The following DACH1 variants were observed in gnomAD, a reference collection of about 807,000 sequenced individuals.
DACH1 encodes dachshund family transcription factor 1.
DACH1 carries 12 observed loss-of-function variants against 54.2 expected under a neutral mutation model. The ratio of observed to expected loss-of-function variants is 0.22; its 90% CI spans 0.14 to 0.36. DACH1 has a LOEUF of 0.36. DACH1 is among the 10% of genes least tolerant of loss of function. DACH1 has a pLI of 1.00. For missense variants in DACH1, 805 were observed against 929.8 expected, an observed-to-expected ratio of 0.87 and a Z score of 1.75; for synonymous variants, 386 against 366.2, an observed-to-expected ratio of 1.05 and a Z score of -0.62.
intron 1 of DACH1, among the ~76,000 whole-genome samples, chr13:71,782,379 T>C (rs2138069888): frequency 6.6e-6 from 1 of 151,954 alleles, no homozygotes; most frequent in East Asian, 1.9e-4. Flanking sequence ...GAGGCAGAGG[T>C]TGAAGTCAGT....
chr13:71,509,981 G>T (rs1880646656), intron 6 of DACH1, among the ~76,000 whole-genome samples: 1 of 151,890 alleles, frequency 6.6e-6, no homozygotes, highest in Admixed American at 6.6e-5. Flanking sequence ...TTTTATCAAA[G>T]TTAACAGTGA....
intron 1 of DACH1, among the ~76,000 whole-genome samples, chr13:71,697,722 A>G (rs1016563618): frequency 6.6e-5 from 10 of 152,184 alleles, no homozygotes; most frequent in African/African-American, 1.9e-4. Flanking sequence ...CCACCTTTAA[A>G]CTATAATAGC....
rs527297499 is a variant in DACH1, at chr13:71,761,597, CA to C, written c.849-79688del. Among the ~76,000 whole-genome samples, 32 of 152,274 alleles carry C rather than the reference CA, an allele frequency of 2.1e-4. No individual in the cohort carries two copies. The East Asian group carries it at 3.5e-3, about 17-fold the overall frequency. ...AATATCACCTGAAACACAGACTTCT[CA>C]AACATCAATGTGCGTACACATCATC... On this transcript the variant is annotated intron_variant, in intron 1 of 10. Coordinates refer to ENST00000613252, the MANE Select transcript of DACH1 (RefSeq NM_080759.6).
intron 3 of DACH1, among the ~76,000 whole-genome samples, chr13:71,605,748 T>C (rs1053066619): frequency 6.6e-6 from 1 of 151,994 alleles, no homozygotes; most frequent in African/African-American, 2.4e-5. Flanking sequence ...AATATTATAA[T>C]GTCCTTTTTC....
chr13:71,851,802 T>C (rs1298520260), intron 1 of DACH1, among the ~76,000 whole-genome samples: 1 of 152,192 alleles, frequency 6.6e-6, no homozygotes, highest in African/African-American at 2.4e-5. Context: ...GTTGTTACTA[T>C]ATAAAGAATA....
intron 2 of DACH1, among the ~76,000 whole-genome samples, chr13:71,648,703 G>A (rs967954874): frequency 6.6e-6 from 1 of 152,062 alleles, no homozygotes; most frequent in Admixed American, 6.6e-5. Context: ...TAACTATTTT[G>A]CAGCATTAAA....
At chr13:71,585,078 T>C (rs1351260139) in intron 3 of DACH1, among the ~76,000 whole-genome samples, 1 of 152,200 alleles carries the variant, frequency 6.6e-6, no homozygotes, top group African/African-American at 2.4e-5. Flanking sequence ...CATTCATTTT[T>C]TTAGCATATA....
At chr13:71,801,577 T>C (rs1887289549) in intron 1 of DACH1, among the ~76,000 whole-genome samples, 1 of 152,146 alleles carries the variant, frequency 6.6e-6, no homozygotes, top group Non-Finnish European at 1.5e-5. Flanking sequence ...TTCCAAGTGA[T>C]ACACTGATGG....
intron 10 of DACH1, among the ~76,000 whole-genome samples, chr13:71,441,906 T>A (rs190822435): frequency 3.5e-4 from 54 of 152,180 alleles, no homozygotes; most frequent in Non-Finnish European, 5.6e-4. Context: ...TGTTTTTAAT[T>A]CTTGTGGGTA....
intron 1 of DACH1, among the ~76,000 whole-genome samples, chr13:71,700,691 C>T (rs989338786): frequency 1.3e-5 from 2 of 151,758 alleles, no homozygotes; most frequent in African/African-American, 4.8e-5. Flanking sequence ...ACTGTGACTA[C>T]CTGGACAGCC....
chr13:71,640,713 G>A (rs185068099), intron 2 of DACH1, among the ~76,000 whole-genome samples: 2 of 152,078 alleles, frequency 1.3e-5, no homozygotes, highest in African/African-American at 2.4e-5. Flanking sequence ...TTGACTCCAC[G>A]CAGGTAGCTC....
intron 2 of DACH1, among the ~76,000 whole-genome samples, chr13:71,679,272 T>C (rs1370659889): frequency 6.6e-6 from 1 of 152,176 alleles, no homozygotes; most frequent in Non-Finnish European, 1.5e-5. Context: ...AATTTAATAT[T>C]TTGAGTTGGG....
intron 1 of DACH1, among the ~76,000 whole-genome samples, chr13:71,796,149 C>G (rs1887039852): frequency 6.6e-6 from 1 of 152,082 alleles, no homozygotes; most frequent in African/African-American, 2.4e-5. Context: ...CTGCAAGTGA[C>G]TTCACAATGG....
chr13:71,756,946 GA>G (rs1885191396), intron 1 of DACH1, among the ~76,000 whole-genome samples: 1 of 152,168 alleles, frequency 6.6e-6, no homozygotes, highest in Admixed American at 6.5e-5. Context: ...AGGATCAGGA[GA>G]AACGATGGCT....
At chr13:71,796,761 TG>T (rs138728710) in intron 1 of DACH1, among the ~76,000 whole-genome samples, 5,278 of 152,220 alleles carry the variant, frequency 0.035, 302 homozygotes, top group African/African-American at 0.12. Context: ...ATTTGTAAGC[TG>T]GACAGTTCAT....
chr13:71,559,798 CAAG>C lies in DACH1; in HGVS notation c.1435+19_1435+21del. On this transcript the variant is annotated intron_variant, in intron 5 of 10. Transcript: ENST00000613252. ...ACCCTAATAAAGTTTAAAATGGTGA[CAAG>C]TAGAAGTATGAGACCTACGGATTCT... is the stretch of plus-strand genomic sequence containing the variant. 6.2e-7 allele frequency: 1 copy of C among 1,613,270 alleles called. No individual in the cohort carries two copies. Among genetic ancestry groups the C allele is most frequent in the Non-Finnish European group, 8.5e-7 (1 of 1,179,738 alleles).
intron 6 of DACH1, among the ~76,000 whole-genome samples, chr13:71,501,551 G>C (rs1176296959): frequency 1.3e-5 from 2 of 152,100 alleles, no homozygotes; most frequent in African/African-American, 4.8e-5. Flanking sequence ...GAAGAAATTG[G>C]GTGGAAGTAT....
At chr13:71,709,255 A>T (rs543834043) in intron 1 of DACH1, among the ~76,000 whole-genome samples, 3 of 152,150 alleles carry the variant, frequency 2.0e-5, no homozygotes, top group Non-Finnish European at 4.4e-5. Context: ...TTTTCCCTTG[A>T]TTAATAAAAT....
At chr13:71,561,659 G>A (rs1884592359) in intron 4 of DACH1, among the ~76,000 whole-genome samples, 1 of 152,052 alleles carries the variant, frequency 6.6e-6, no homozygotes, top group Admixed American at 6.6e-5. Context: ...CCCAGTTTCT[G>A]GTTCTTTGTT....
Sources: allele counts gnomAD v4.1 joint callset (sites outside exome capture counted in the v4.1 genomes callset), GRCh38; gene constraint gnomAD v4.1.1; transcripts MANE v1.5; gene names NCBI Gene and HGNC (gene_info 2026-07-23, HGNC 2026-07-21).